Variants in DCD observed in about 807,000 individuals in gnomAD.
The protein encoded by DCD is dermcidin.
Under a neutral mutation model 14.5 loss-of-function variants are expected in DCD, and 17 were observed. The ratio of observed to expected loss-of-function variants is 1.18; its 90% CI spans 0.81 to 1.76. The LOEUF is 1.76. DCD is among the 40% of genes most tolerant of loss of function. DCD has a pLI of 0.00. For synonymous variants in DCD, 64 were observed against 54.0 expected (o/e 1.19, Z -0.82); for missense variants, 139 against 133.4 (o/e 1.04, Z -0.21).
intron 2 of DCD, among the ~76,000 whole-genome samples, 170 bp downstream of exon 2, chr12:54,646,951 C>A (rs1232264069): frequency 2.0e-5 from 3 of 152,140 alleles, no homozygotes; most frequent in Non-Finnish European, 4.4e-5. Flanking sequence ...CTGTCCTTCT[C>A]CAGTGCATGA....
intron 2 of DCD, among the ~76,000 whole-genome samples, chr12:54,646,728 T>C (rs1442044266): frequency 6.6e-6 from 1 of 152,192 alleles, no homozygotes; most frequent in Non-Finnish European, 1.5e-5. Flanking sequence ...ATACCCTGAA[T>C]GTCAGGCTAG....
At chr12:54,646,265 T>G in intron 2 of DCD, 1 of 403,240 alleles carries the variant, frequency 2.5e-6, no homozygotes. Flanking sequence ...GCAGGGAGGG[T>G]GCAGGTGTGT....
intron 4 of DCD, 177 bp from the exon 5 acceptor site, chr12:54,644,933 A>G: frequency 6.5e-7 from 1 of 1,549,468 alleles, no homozygotes; most frequent in African/African-American, 1.4e-5. Flanking sequence ...CCAAAGACCA[A>G]CCTCTCTTCC....
chr12:54,645,396 G>T, intron 3 of DCD, 134 bp from the exon 4 acceptor site: 1 of 960,822 alleles, frequency 1.0e-6, no homozygotes, highest in Non-Finnish European at 1.6e-6. Flanking sequence ...CAACTTCTCT[G>T]TCATGGGAAG....
intron 3 of DCD, 79 bp downstream of exon 3, chr12:54,645,527 G>T: frequency 7.6e-7 from 1 of 1,318,536 alleles, no homozygotes; most frequent in Non-Finnish European, 1.1e-6. Context: ...GCTTGTGCCT[G>T]TGAGGGCAGA....
At chr12:54,647,209 G>T (rs1018710449) in intron 1 of DCD, 50 bp from the exon 2 acceptor site, 5 of 1,534,032 alleles carry the variant, frequency 3.3e-6, no homozygotes, top group East Asian at 2.4e-5. Context: ...AGTTGCATGA[G>T]CTGTATCCAG....
At chr12:54,647,667 G>T (rs991928362) in intron 1 of DCD, among the ~76,000 whole-genome samples, 9 of 152,180 alleles carry the variant, frequency 5.9e-5, no homozygotes, top group African/African-American at 1.4e-4. Context: ...GTAATTGCTC[G>T]GGGAAGCTGA....
Position 54,645,217 on chromosome 12 carries a change from T to A in DCD, c.245A>T (p.Lys82Ile). The change falls in exon 4 of 5, where the codon AAA becomes ATA. Residue 82 changes from lysine to isoleucine, a missense_variant. Coordinates refer to ENST00000293371, the MANE Select transcript of DCD (RefSeq NM_053283.4). ...ATCTTCGACTGCATCTTTTCCTAGTTTTCCGAGTCCCCCCACAGCTTTTTT... is the reference window on the plus strand; with the variant it reads ...ATCTTCGACTGCATCTTTTCCTAGTATTCCGAGTCCCCCCACAGCTTTTTT... ...GAKKAVGGLG[K>I]LGKDAVEDLE... is the part of the protein sequence containing the mutation. 6.2e-7 allele frequency: 1 copy of A among 1,614,134 alleles called. No homozygotes were observed. The highest frequency in any genetic ancestry group is 1.1e-5 in the South Asian group (1 of 91,080).
chr12:54,647,557 C>T (rs1018265082), intron 1 of DCD, among the ~76,000 whole-genome samples: 4 of 152,178 alleles, frequency 2.6e-5, no homozygotes, highest in African/African-American at 9.7e-5. Context: ...AGGACCTTCC[C>T]TCCATTTCTT....
At position 54,644,677 on chromosome 12, in the gene DCD, T is replaced by G; in HGVS notation, c.*36A>C. Reference sequence around the variant, plus strand: ...TTTAGGCTGAAGACGTAAAGCCTGCTGCTCCTGGGTATCATTTCTCAGCTT... The same window carrying G: ...TTTAGGCTGAAGACGTAAAGCCTGCGGCTCCTGGGTATCATTTCTCAGCTT... On this transcript the variant is annotated 3_prime_UTR_variant, in exon 5 of 5. Transcript: ENST00000293371. 1 of 1,360,890 alleles carries G rather than the reference T, an allele frequency of 7.3e-7. No individual in the cohort carries two copies. The highest frequency in any genetic ancestry group is 1.0e-6 in the Non-Finnish European group (1 of 956,490). The allele number at this position is 1,360,890 out of a possible 1,614,324, so 84.3% of individuals were successfully genotyped here. A position where few individuals can be genotyped will look rare whatever the true frequency, so the allele number is the denominator to read the frequency against.
chr12:54,647,309 C>G lies in DCD; in HGVS notation c.59-150G>C, dbSNP rs917625105. 4.3e-6 allele frequency: 3 copies of G among 704,700 alleles called. No individual in the cohort carries two copies. In the South Asian group the frequency reaches 6.3e-5, roughly 15 times the overall value. 43.7% of individuals were successfully genotyped at this position (704,700 alleles called of 1,614,324 possible). On this transcript the variant is annotated intron_variant, in intron 1 of 4. Coordinates refer to ENST00000293371, the MANE Select transcript of DCD (RefSeq NM_053283.4). ...AAATCTCTGCTTCACAAGGGGCCCA[C>G]TAGAAATGCTTTTTGGTATCTCAAC...
intron 2 of DCD, among the ~76,000 whole-genome samples, chr12:54,646,415 C>T (rs1300971808): frequency 6.6e-6 from 1 of 152,058 alleles, no homozygotes; most frequent in East Asian, 1.9e-4. Context: ...GGCTTACAGT[C>T]TAGGAAAAGA....
Position 54,645,605 on chromosome 12 carries a change from C to G in DCD, c.199+1G>C, listed in dbSNP as rs1201124597. On this transcript the variant is annotated splice_donor_variant, in intron 3 of 4. Transcript: ENST00000293371. LOFTEE classifies it high-confidence loss of function. ...TACCAGGCATTGGGAAAGAGGCTTACCCAGAAGGCTGGATCTCTGCTTCCT... is the reference window on the plus strand; with the variant it reads ...TACCAGGCATTGGGAAAGAGGCTTAGCCAGAAGGCTGGATCTCTGCTTCCT... 6.2e-7 allele frequency: 1 copy of G among 1,613,554 alleles called. No individual in the cohort carries two copies. The highest frequency in any genetic ancestry group is 8.5e-7 in the Non-Finnish European group (1 of 1,179,622).
rs1189410053 is a variant in DCD, at chr12:54,648,345, G to A, written c.-42C>T. ...GTGGGTATGCCACCAAATCCTTGGA[G>A]ATCTTGGGATCTAGGGTGTCAAGAC... is the stretch of plus-strand genomic sequence containing the variant. On this transcript the variant is annotated 5_prime_UTR_variant, in exon 1 of 5. Coordinates refer to ENST00000293371, the MANE Select transcript of DCD (RefSeq NM_053283.4). 1.2e-6 allele frequency: 2 copies of A among 1,612,596 alleles called. No individual in the cohort carries two copies. The highest frequency in any genetic ancestry group is 1.7e-6 in the Non-Finnish European group (2 of 1,179,256).
At chr12:54,645,319 AG>A in intron 3 of DCD, 57 bp from the exon 4 acceptor site, 1 of 1,538,656 alleles carries the variant, frequency 6.5e-7, no homozygotes, top group Non-Finnish European at 9.0e-7. Context: ...CTTCCTTTGT[AG>A]GAGAGCTCCC....
chr12:54,645,042 A>G, intron 4 of DCD, 131 bp downstream of exon 4: 1 of 1,486,948 alleles, frequency 6.7e-7, no homozygotes, highest in African/African-American at 1.4e-5. Flanking sequence ...TTAAATCTGG[A>G]TGAGGAATTG....
chr12:54,644,624 A>ATTTTT lies in DCD; in HGVS notation c.*84_*88dup, dbSNP rs11338265. On this transcript the variant is annotated 3_prime_UTR_variant, in exon 5 of 5. Transcript: ENST00000293371. Reference sequence around the variant, plus strand: ...GCTTTCAGTTTAATAGCTGTTTTAAATTTTTTTTTTTTTTTTTTTTTTTAG... The same window carrying ATTTTT: ...GCTTTCAGTTTAATAGCTGTTTTAAATTTTTTTTTTTTTTTTTTTTTTTTTTTTAG... The ATTTTT allele has an allele frequency of 5.1e-5, 33 of 651,650 alleles. No homozygotes were observed. Among genetic ancestry groups the ATTTTT allele is most frequent in the South Asian group, 2.9e-4 (14 of 47,528 alleles). The allele number at this position is 651,650 out of a possible 1,614,324, so 40.4% of individuals were successfully genotyped here. A position where few individuals can be genotyped will look rare whatever the true frequency, so the allele number is the denominator to read the frequency against.
chr12:54,645,891 C>T lies in DCD; in HGVS notation c.98-184G>A, dbSNP rs1592200640. The T allele has an allele frequency of 5.1e-6, 3 of 591,974 alleles. No individual in the cohort carries two copies. In the South Asian group the frequency reaches 5.5e-5, roughly 11 times the overall value. The allele number at this position is 591,974 out of a possible 1,614,324, so 36.7% of individuals were successfully genotyped here. A position where few individuals can be genotyped will look rare whatever the true frequency, so the allele number is the denominator to read the frequency against. On this transcript the variant is annotated intron_variant, in intron 2 of 4. Coordinates refer to ENST00000293371, the MANE Select transcript of DCD (RefSeq NM_053283.4). ...TTAGCATCCCTCAAGCTTTTTCCTGCTGCCTCCAAGACTTTTCCTGCTCCT... is the reference window on the plus strand; with the variant it reads ...TTAGCATCCCTCAAGCTTTTTCCTGTTGCCTCCAAGACTTTTCCTGCTCCT...
chr12:54,647,190 G>A (rs1958268430), intron 1 of DCD, 31 bp from the exon 2 acceptor site: 3 of 1,554,704 alleles, frequency 1.9e-6, no homozygotes, highest in Non-Finnish European at 2.6e-6. Context: ...ACCATGTCAA[G>A]TAGGGCACAG....
Sources: gnomAD v4.1 joint callset for allele counts (sites outside exome capture counted in the v4.1 genomes callset) on GRCh38, gnomAD v4.1.1 for gene constraint, MANE v1.5 for transcripts, NCBI Gene and HGNC (gene_info 2026-07-23, HGNC 2026-07-21) for gene names.